Variants in NDUFS5 observed in about 807,000 individuals in gnomAD.
NDUFS5 encodes NADH dehydrogenase [ubiquinone] iron-sulfur protein 5.
NDUFS5 carries 7 observed loss-of-function variants against 10.5 expected under a neutral mutation model. That is an observed-to-expected ratio of 0.66 (90% CI 0.38 to 1.25). The LOEUF is 1.25. Ranked by LOEUF, NDUFS5 falls within the 50% of genes most tolerant of loss-of-function variation. The probability of loss-of-function intolerance (pLI) is 0.02; values close to 1 mark genes in which losing one functional copy is unlikely to be tolerated. For missense variants in NDUFS5, 148 were observed against 140.7 expected, an observed-to-expected ratio of 1.05 and a Z score of -0.26; for synonymous variants, 38 against 44.0, an observed-to-expected ratio of 0.86 and a Z score of 0.54.
At chr1:39,030,941 C>T (rs1644186851) in intron 2 of NDUFS5, among the ~76,000 whole-genome samples, 1 of 151,654 alleles carries the variant, frequency 6.6e-6, no homozygotes, top group South Asian at 2.1e-4. Context: ...AGCGTGTTCA[C>T]AGCTCACTGC....
chr1:39,031,929 G>C, intron 2 of NDUFS5, among the ~76,000 whole-genome samples: 1 of 152,052 alleles, frequency 6.6e-6, no homozygotes, highest in Middle Eastern at 3.4e-3. Context: ...AGGCTGAGGC[G>C]GTGGATTACC....
intron 2 of NDUFS5, among the ~76,000 whole-genome samples, chr1:39,031,186 T>C (rs1644188381): frequency 1.3e-5 from 2 of 151,880 alleles, no homozygotes. Flanking sequence ...TTGATTTTAT[T>C]TATATAAAAT....
chr1:39,033,275 T>C (rs1644202557), intron 2 of NDUFS5, among the ~76,000 whole-genome samples: 1 of 151,980 alleles, frequency 6.6e-6, no homozygotes, highest in Admixed American at 6.6e-5. Context: ...CACTTCCACA[T>C]AGAATATGTA....
intron 1 of NDUFS5, among the ~76,000 whole-genome samples, chr1:39,026,912 C>A (rs752705864): frequency 6.6e-5 from 10 of 152,220 alleles, no homozygotes; most frequent in Non-Finnish European, 1.2e-4. Context: ...CTTCCTCCTT[C>A]GAGCTCTTAC....
chr1:39,029,399 C>G (rs1644175177), intron 2 of NDUFS5, among the ~76,000 whole-genome samples: 1 of 152,146 alleles, frequency 6.6e-6, no homozygotes, highest in Non-Finnish European at 1.5e-5. Context: ...ACTTTGGTAC[C>G]ATGATGAGGA....
At chr1:39,033,759 C>A (rs1350906503) in intron 2 of NDUFS5, among the ~76,000 whole-genome samples, 1 of 151,790 alleles carries the variant, frequency 6.6e-6, no homozygotes, top group Non-Finnish European at 1.5e-5. Context: ...CTCGGCCTCC[C>A]AAAGTGCTGG....
intron 2 of NDUFS5, among the ~76,000 whole-genome samples, chr1:39,029,509 G>C (rs1310642179): frequency 1.3e-5 from 2 of 152,128 alleles, no homozygotes; most frequent in Non-Finnish European, 2.9e-5. Context: ...TAGCCACCAG[G>C]TTAGAAATTG....
Position 39,028,842 on chromosome 1 carries a change from T to G in NDUFS5, c.118T>G (p.Trp40Gly). The change falls in exon 2 of 3, where the codon TGG becomes GGG. Residue 40 changes from tryptophan to glycine, a missense_variant. Coordinates refer to ENST00000372969, the MANE Select transcript of NDUFS5 (RefSeq NM_004552.3). ...TCGATGCCATGCTTTTGAAAAAGAATGGATAGAATGTGCACATGGAATCGG... is the reference window on the plus strand; with the variant it reads ...TCGATGCCATGCTTTTGAAAAAGAAGGGATAGAATGTGCACATGGAATCGG... Reference protein sequence around the residue: ...AGRCHAFEKEWIECAHGIGYT... With the variant: ...AGRCHAFEKEGIECAHGIGYT... 5.6e-6 allele frequency: 9 copies of G among 1,614,118 alleles called. No individual in the cohort carries two copies. The highest frequency in any genetic ancestry group is 7.6e-6 in the Non-Finnish European group (9 of 1,180,020).
At chr1:39,032,955 CT>C (rs1203844482) in intron 2 of NDUFS5, among the ~76,000 whole-genome samples, 1 of 152,146 alleles carries the variant, frequency 6.6e-6, no homozygotes, top group Non-Finnish European at 1.5e-5. Flanking sequence ...AAGGATTCAT[CT>C]TTTTGTCTCA....
At chr1:39,030,416 A>AAAGAAAAT (rs1483129559) in intron 2 of NDUFS5, among the ~76,000 whole-genome samples, 4 of 147,888 alleles carry the variant, frequency 2.7e-5, no homozygotes, top group Middle Eastern at 3.5e-3. Flanking sequence ...AGAAAAAAAA[A>AAAGAAAAT]AAAAAGATGG....
chr1:39,034,295 T>C, intron 2 of NDUFS5, 97 bp from the exon 3 acceptor site: 1 of 1,114,682 alleles, frequency 9.0e-7, no homozygotes, highest in Non-Finnish European at 1.3e-6. Context: ...AGGCCTTTTG[T>C]AGTTTAAAAA....
intron 2 of NDUFS5, among the ~76,000 whole-genome samples, chr1:39,033,581 A>C (rs1258582270): frequency 7.0e-6 from 1 of 142,656 alleles, no homozygotes; most frequent in Non-Finnish European, 1.5e-5. Flanking sequence ...AACTCACTGC[A>C]ACCTCCGCCT....
intron 2 of NDUFS5, 35 bp from the exon 3 acceptor site, chr1:39,034,357 C>T (rs767580744): frequency 3.7e-6 from 6 of 1,600,392 alleles, no homozygotes; most frequent in Non-Finnish European, 5.1e-6. Flanking sequence ...GCACATATCT[C>T]CTCCCTCAGT....
In NDUFS5 at chr1:39,034,571, ACCT is replaced by A. The variant is rs1644216145; in HGVS notation, c.*79_*81del. On this transcript the variant is annotated 3_prime_UTR_variant, in exon 3 of 3. Coordinates refer to ENST00000372969, the MANE Select transcript of NDUFS5 (RefSeq NM_004552.3). ...CCACTGGAAAGGTTGTTTACGACAA[ACCT>A]CCTTGTCAAAGTGTGTAAAAATAAA... 8.2e-7 allele frequency: 1 copy of A among 1,216,718 alleles called. No homozygotes were observed. The highest frequency in any genetic ancestry group is 1.2e-6 in the Non-Finnish European group (1 of 826,742). The allele number at this position is 1,216,718 out of a possible 1,614,324, so 75.4% of individuals were successfully genotyped here. A position where few individuals can be genotyped will look rare whatever the true frequency, so the allele number is the denominator to read the frequency against.
chr1:39,026,757 G>T (rs1644151454), intron 1 of NDUFS5, among the ~76,000 whole-genome samples: 1 of 152,192 alleles, frequency 6.6e-6, no homozygotes, highest in South Asian at 2.1e-4. Context: ...TGCACGCTGC[G>T]CTCCATTGTC....
chr1:39,033,317 T>TA (rs1471317799), intron 2 of NDUFS5, among the ~76,000 whole-genome samples: 1 of 152,044 alleles, frequency 6.6e-6, no homozygotes, highest in Non-Finnish European at 1.5e-5. Flanking sequence ...CTCACGCCTG[T>TA]AATCCCAGCA....
At position 39,028,992 on chromosome 1, in the gene NDUFS5, CTCTTTTTTTTTTTTTTTG is replaced by C. The variant is rs776267188; in HGVS notation, c.216+53_216+70del. On this transcript the variant is annotated intron_variant, in intron 2 of 2. Transcript: ENST00000372969. ...GAATTACTTTCTTGTTCCTTTGGGA[CTCTTTTTTTTTTTTTTTG>C]AGACGAAGTCTCACTCTTGTCCCCT... The C allele has an allele frequency of 1.1e-5, 14 of 1,308,488 alleles. No homozygotes were observed. The Admixed American group carries it at 3.3e-4, about 31-fold the overall frequency. 81.1% of individuals were successfully genotyped at this position (1,308,488 alleles called of 1,614,324 possible). A position where few individuals can be genotyped will look rare whatever the true frequency, so the allele number is the denominator to read the frequency against.
chr1:39,027,811 C>A (rs1260618320), intron 1 of NDUFS5, among the ~76,000 whole-genome samples: 1 of 58,634 alleles, frequency 1.7e-5, no homozygotes. Flanking sequence ...TTTTCTTCTT[C>A]TTCTTTTTTT....
At chr1:39,027,118 G>C (rs539526903) in intron 1 of NDUFS5, among the ~76,000 whole-genome samples, 1 of 152,198 alleles carries the variant, frequency 6.6e-6, no homozygotes, top group Non-Finnish European at 1.5e-5. Flanking sequence ...GCCCAGGCTG[G>C]AGTGCAGAGT....
Sources: allele counts gnomAD v4.1 joint callset (sites outside exome capture counted in the v4.1 genomes callset), GRCh38; gene constraint gnomAD v4.1.1; transcripts MANE v1.5; gene names NCBI Gene and HGNC (gene_info 2026-07-23, HGNC 2026-07-21).